SLC35F4: variants seen among roughly 807,000 people sequenced by gnomAD.
The protein encoded by SLC35F4 is chromosome 14 open reading frame 36.
In SLC35F4, 24 loss-of-function variants were observed where a neutral mutation model predicts 44.2. The observed-to-expected ratio is 0.54, with a 90% confidence interval of 0.39 to 0.76. The LOEUF is 0.76. Among genes scored for constraint, SLC35F4 ranks in the 30% least tolerant of loss-of-function variants. The pLI is 0.00. For missense variants in SLC35F4, 562 were observed against 586.1 expected, an observed-to-expected ratio of 0.96 and a Z score of 0.42; for synonymous variants, 238 against 223.6, an observed-to-expected ratio of 1.06 and a Z score of -0.57.
chr14:57,952,150 T>A (rs1043549483), intron 1 of SLC35F4, among the ~76,000 whole-genome samples: 5 of 152,180 alleles, frequency 3.3e-5, no homozygotes, highest in Non-Finnish European at 7.4e-5. Flanking sequence ...AGACAGGGTC[T>A]GGAGTGGACC....
intron 1 of SLC35F4, among the ~76,000 whole-genome samples, chr14:57,616,056 G>A (rs1027418336): frequency 2.0e-5 from 3 of 152,120 alleles, no homozygotes; most frequent in Admixed American, 2.0e-4. Flanking sequence ...TTTTTATAGT[G>A]ACAAACTGTA....
chr14:57,578,662 A>G (rs2068998972), intron 4 of SLC35F4: 1 of 152,134 alleles, frequency 6.6e-6, no homozygotes, highest in East Asian at 1.9e-4. Context: ...ATGTTTCACA[A>G]TGAGAAGTGA....
At chr14:57,932,670 G>A (rs959201544) in intron 1 of SLC35F4, among the ~76,000 whole-genome samples, 4 of 152,234 alleles carry the variant, frequency 2.6e-5, no homozygotes, top group African/African-American at 9.6e-5. Context: ...CCAACATGGT[G>A]AAATCCCATC....
At chr14:57,608,427 A>G (rs551703995) in intron 1 of SLC35F4, among the ~76,000 whole-genome samples, 3 of 152,284 alleles carry the variant, frequency 2.0e-5, no homozygotes, top group East Asian at 3.9e-4. Flanking sequence ...CCAGAGAAAG[A>G]ATGGATGCTT....
chr14:57,891,453 G>A (rs566187747), intron 1 of SLC35F4, among the ~76,000 whole-genome samples: 20 of 152,020 alleles, frequency 1.3e-4, no homozygotes, highest in African/African-American at 4.6e-4. Flanking sequence ...GTCCAGATTA[G>A]GCAACATAGC....
At chr14:57,700,273 T>C (rs2075500446) in intron 1 of SLC35F4, among the ~76,000 whole-genome samples, 1 of 152,198 alleles carries the variant, frequency 6.6e-6, no homozygotes, top group Non-Finnish European at 1.5e-5. Context: ...TGTTCAGTAT[T>C]TATGTATCTA....
At chr14:57,928,031 G>A (rs959502775) in intron 1 of SLC35F4, among the ~76,000 whole-genome samples, 4 of 151,274 alleles carry the variant, frequency 2.6e-5, no homozygotes, top group African/African-American at 9.7e-5. Flanking sequence ...GACAATAACT[G>A]TTCTACTCTG....
At chr14:57,622,292 A>G (rs2072226583) in intron 1 of SLC35F4, among the ~76,000 whole-genome samples, 1 of 139,350 alleles carries the variant, frequency 7.2e-6, no homozygotes. Context: ...TAGAAATACC[A>G]TTTGACCCAG....
intron 1 of SLC35F4, among the ~76,000 whole-genome samples, chr14:57,803,626 G>A (rs538758341): frequency 7.3e-5 from 6 of 81,710 alleles, no homozygotes; most frequent in African/African-American, 3.0e-4. Flanking sequence ...TTTCACTCTT[G>A]TCACCCAGAC....
chr14:57,816,869 T>C (rs1882659093), intron 1 of SLC35F4, among the ~76,000 whole-genome samples: 1 of 152,156 alleles, frequency 6.6e-6, no homozygotes, highest in Admixed American at 6.5e-5. Flanking sequence ...AGTGACTACT[T>C]GATAATAAAC....
chr14:57,672,261 G>A (rs141959041), intron 1 of SLC35F4, among the ~76,000 whole-genome samples: 8 of 151,936 alleles, frequency 5.3e-5, no homozygotes, highest in African/African-American at 1.5e-4. Flanking sequence ...AGACTCAGCC[G>A]GTCACTGTGG....
chr14:57,980,318 G>A (rs539387863), intron 1 of SLC35F4, among the ~76,000 whole-genome samples: 67 of 152,328 alleles, frequency 4.4e-4, no homozygotes, highest in African/African-American at 1.6e-3. Context: ...GAAACAAGGT[G>A]GGTGTTAGGA....
At chr14:57,683,950 T>C (rs1404631103) in intron 1 of SLC35F4, among the ~76,000 whole-genome samples, 2 of 152,010 alleles carry the variant, frequency 1.3e-5, no homozygotes, top group African/African-American at 4.8e-5. Flanking sequence ...TCTGATCTCT[T>C]TTCTGGTTCA....
At chr14:57,770,253 G>A (rs1001883171) in intron 1 of SLC35F4, among the ~76,000 whole-genome samples, 2 of 152,196 alleles carry the variant, frequency 1.3e-5, no homozygotes, top group African/African-American at 4.8e-5. Context: ...CTTCCTGTCC[G>A]ACAAGTGATG....
Position 57,629,317 on chromosome 14 carries a change from A to G in SLC35F4, c.104-35193T>C, listed in dbSNP as rs980927068. On this transcript the variant is annotated intron_variant, in intron 1 of 7. Coordinates refer to ENST00000556826, the MANE Select transcript of SLC35F4 (RefSeq NM_001306087.2). ...ACTAAAAATTTTTTTTAAAAAATCAATTGTTAGGCACAGTGGGAAACTATG... is the reference window on the plus strand; with the variant it reads ...ACTAAAAATTTTTTTTAAAAAATCAGTTGTTAGGCACAGTGGGAAACTATG... 5.3e-5 allele frequency among the ~76,000 whole-genome samples: 8 copies of G among 152,284 alleles called. No homozygotes were observed. In the South Asian group the frequency reaches 6.2e-4, roughly 12 times the overall value.
chr14:57,916,340 T>C (rs1889329539), intron 1 of SLC35F4, among the ~76,000 whole-genome samples: 1 of 152,218 alleles, frequency 6.6e-6, no homozygotes, highest in Non-Finnish European at 1.5e-5. Flanking sequence ...GCAATTAAAT[T>C]TCAAATGAGT....
chr14:57,806,267 TG>T (rs1292248123), intron 1 of SLC35F4, among the ~76,000 whole-genome samples: 1 of 152,204 alleles, frequency 6.6e-6, no homozygotes, highest in Non-Finnish European at 1.5e-5. Flanking sequence ...AAATTACAGC[TG>T]CATTTTTAAA....
At chr14:57,702,243 C>A (rs1207792289) in intron 1 of SLC35F4, among the ~76,000 whole-genome samples, 1 of 151,700 alleles carries the variant, frequency 6.6e-6, no homozygotes, top group African/African-American at 2.4e-5. Context: ...AACCTTTGTC[C>A]TCCTTTACCC....
intron 1 of SLC35F4, among the ~76,000 whole-genome samples, chr14:57,629,303 T>A (rs2072645917): frequency 6.6e-6 from 1 of 152,118 alleles, no homozygotes; most frequent in Non-Finnish European, 1.5e-5. Context: ...CTAAAAATTT[T>A]TTTTAAAAAA....
Sources: allele counts gnomAD v4.1 joint callset (sites outside exome capture counted in the v4.1 genomes callset), GRCh38; gene constraint gnomAD v4.1.1; transcripts MANE v1.5; gene names NCBI Gene and HGNC (gene_info 2026-07-23, HGNC 2026-07-21).